Variants in ZNF407 observed in about 807,000 individuals in gnomAD.
ZNF407 encodes the protein zinc finger protein 407.
A neutral mutation model predicts 131.2 loss-of-function variants in ZNF407; 17 were observed. The observed-to-expected ratio is 0.13, with a 90% CI of 0.09 to 0.19. ZNF407 has a LOEUF of 0.19. Among genes scored for constraint, ZNF407 ranks in the 10% least tolerant of loss-of-function variants. The probability of loss-of-function intolerance (pLI) is 1.00; values close to 1 mark genes in which losing one functional copy is unlikely to be tolerated. For missense variants in ZNF407, 2,681 were observed against 2,830.6 expected (o/e 0.95, Z 1.20); for synonymous variants, 1,156 against 1,062.0 (o/e 1.09, Z -1.72).
intron 4 of ZNF407, among the ~76,000 whole-genome samples, chr18:74,867,204 A>G (rs558642956): frequency 3.0e-3 from 457 of 152,268 alleles, no homozygotes; most frequent in Non-Finnish European, 5.5e-3. Flanking sequence ...TCTAATGCAG[A>G]CACTACTTAT....
chr18:74,827,457 A>G (rs1247147903), intron 4 of ZNF407, among the ~76,000 whole-genome samples: 2 of 151,114 alleles, frequency 1.3e-5, no homozygotes, highest in African/African-American at 4.9e-5. Flanking sequence ...TCATTGAGTT[A>G]TACTCCATTG....
intron 3 of ZNF407, among the ~76,000 whole-genome samples, chr18:74,689,373 T>C (rs1350299320): frequency 6.6e-6 from 1 of 152,264 alleles, no homozygotes; most frequent in African/African-American, 2.4e-5. Flanking sequence ...TAAACTATAC[T>C]GTACCAACGT....
chr18:75,007,804 A>G lies in ZNF407; in HGVS notation c.5429-55346A>G, dbSNP rs547860253. Among the ~76,000 whole-genome samples, 331 of 152,262 alleles carry G rather than the reference A, an allele frequency of 2.2e-3. 2 individuals are homozygous for G. The highest frequency in any genetic ancestry group is 7.2e-3 in the African/African-American group (301 of 41,544). ...GGAAAATATGTTCACAGGTAATGAC[A>G]CTACTGTAACATGGGAAATCCTCCA... is the stretch of plus-strand genomic sequence containing the variant. On this transcript the variant is annotated intron_variant, in intron 8 of 8. Coordinates refer to ENST00000299687, the MANE Select transcript of ZNF407 (RefSeq NM_017757.3).
chr18:74,653,932 CT>C (rs1485303389), intron 3 of ZNF407, among the ~76,000 whole-genome samples: 4 of 151,654 alleles, frequency 2.6e-5, no homozygotes, highest in Non-Finnish European at 4.4e-5. Context: ...CATTGGACTC[CT>C]TTTTTTGAGT....
intron 3 of ZNF407, among the ~76,000 whole-genome samples, chr18:74,701,646 A>G (rs192293533): frequency 1.7e-4 from 26 of 152,308 alleles, no homozygotes; most frequent in Admixed American, 1.6e-3. Flanking sequence ...AACAGTTTTG[A>G]CATTGGTTGT....
In ZNF407 at chr18:74,676,679, C is replaced by T. The variant is rs562742673; in HGVS notation, c.4802+35557C>T. Among the ~76,000 whole-genome samples, 51 of 152,208 alleles carry T rather than the reference C, an allele frequency of 3.4e-4. 1 individual carries two copies. Among genetic ancestry groups the T allele is most frequent in the Non-Finnish European group, 4.4e-4 (30 of 68,006 alleles). On this transcript the variant is annotated intron_variant, in intron 3 of 8. Transcript: ENST00000299687. Reference sequence around the variant, plus strand: ...TCGATCTCCTGACCTCGTGATCTGCCCGCCTTGGCCTCCCAGAATGCTGGG... The same window carrying T: ...TCGATCTCCTGACCTCGTGATCTGCTCGCCTTGGCCTCCCAGAATGCTGGG...
intron 3 of ZNF407, among the ~76,000 whole-genome samples, chr18:74,674,438 T>C (rs1986273975): frequency 6.6e-6 from 1 of 151,414 alleles, no homozygotes; most frequent in South Asian, 2.1e-4. Context: ...CCAAATATCT[T>C]CATCTTACCA....
At chr18:74,607,640 A>G (rs1982867976) in intron 1 of ZNF407, among the ~76,000 whole-genome samples, 1 of 152,190 alleles carries the variant, frequency 6.6e-6, no homozygotes, top group Non-Finnish European at 1.5e-5. Flanking sequence ...AAGGGTGTCC[A>G]GATTGATTGC....
rs563519391 is a variant in ZNF407 at position 74,681,547 on chromosome 18, C to G, written c.4802+40425C>G. Among the ~76,000 whole-genome samples, 6 of 152,236 alleles carry G rather than the reference C, an allele frequency of 3.9e-5. No homozygotes were observed. In the South Asian group the frequency reaches 1.0e-3, roughly 26 times the overall value. The stretch of plus-strand genomic sequence containing the variant: ...CTTGAGCCATCGCGCCTGGCCTGTT[C>G]TAGATACATACATTCTGAACTTTTA... On this transcript the variant is annotated intron_variant, in intron 3 of 8. Transcript: ENST00000299687.
chr18:74,832,602 T>G (rs141702965), intron 4 of ZNF407, among the ~76,000 whole-genome samples: 1 of 152,158 alleles, frequency 6.6e-6, no homozygotes, highest in African/African-American at 2.4e-5. Flanking sequence ...CCACTTTAAG[T>G]TGATTTCAAA....
intron 4 of ZNF407, among the ~76,000 whole-genome samples, chr18:74,867,711 A>G (rs1374366233): frequency 1.3e-5 from 2 of 152,292 alleles, no homozygotes; most frequent in Admixed American, 1.3e-4. Flanking sequence ...TTTTTCCATA[A>G]TGTATGTTTT....
intron 3 of ZNF407, among the ~76,000 whole-genome samples, chr18:74,663,551 A>C (rs2144735572): frequency 6.6e-6 from 1 of 152,296 alleles, no homozygotes; most frequent in African/African-American, 2.4e-5. Flanking sequence ...GCTCGACACC[A>C]CATATTACGT....
intron 8 of ZNF407, among the ~76,000 whole-genome samples, chr18:75,003,148 T>C (rs1972867840): frequency 6.6e-6 from 1 of 152,276 alleles, no homozygotes; most frequent in Admixed American, 6.5e-5. Flanking sequence ...ATTTCAATTA[T>C]TTCAGAATTA....
chr18:74,768,556 G>C (rs1969293007), intron 3 of ZNF407, among the ~76,000 whole-genome samples: 1 of 152,120 alleles, frequency 6.6e-6, no homozygotes, highest in African/African-American at 2.4e-5. Context: ...TGCTTGGATA[G>C]GAAAACTCTT....
At chr18:74,874,677 G>A (rs917081311) in intron 4 of ZNF407, among the ~76,000 whole-genome samples, 5 of 152,086 alleles carry the variant, frequency 3.3e-5, no homozygotes, top group African/African-American at 4.8e-5. Context: ...CCACCTCTGG[G>A]AAGCCTTCTC....
chr18:75,014,179 C>T (rs1194883669), intron 8 of ZNF407, among the ~76,000 whole-genome samples: 4 of 151,966 alleles, frequency 2.6e-5, no homozygotes, highest in Non-Finnish European at 4.4e-5. Context: ...TAAAGCTTTC[C>T]TTTCTTGAGA....
intron 3 of ZNF407, among the ~76,000 whole-genome samples, chr18:74,647,015 C>A (rs1985001843): frequency 6.6e-6 from 1 of 152,130 alleles, no homozygotes. Flanking sequence ...ATTATCATTT[C>A]TTGGTGTAGT....
chr18:74,907,527 G>T (rs1216054650), intron 7 of ZNF407, among the ~76,000 whole-genome samples: 1 of 152,264 alleles, frequency 6.6e-6, no homozygotes, highest in East Asian at 1.9e-4. Flanking sequence ...CATGGTCGGG[G>T]AAATGGCTTC....
chr18:74,940,252 C>T (rs1354200702), intron 8 of ZNF407, among the ~76,000 whole-genome samples: 2 of 152,124 alleles, frequency 1.3e-5, no homozygotes, highest in African/African-American at 4.8e-5. Context: ...TGAGATGACA[C>T]CTACTTGAGG....
Sources: gnomAD v4.1 joint callset for allele counts (sites outside exome capture counted in the v4.1 genomes callset) on GRCh38, gnomAD v4.1.1 for gene constraint, MANE v1.5 for transcripts, NCBI Gene and HGNC (gene_info 2026-07-23, HGNC 2026-07-21) for gene names.